The following GALNT17 variants were observed in gnomAD, a reference collection of about 807,000 sequenced individuals.
GALNT17 encodes UDP-GalNAc:polypeptide N-acetylgalactosaminyltransferase-like 3.
Under a neutral mutation model 63.7 loss-of-function variants are expected in GALNT17, and 29 were observed. The observed-to-expected ratio is 0.46, with a 90% CI of 0.34 to 0.62. The LOEUF is 0.62. Ranked by LOEUF, GALNT17 falls within the 20% of genes least tolerant of loss-of-function variation. The probability of loss-of-function intolerance (pLI) is 0.01; values close to 1 mark genes in which losing one functional copy is unlikely to be tolerated. For synonymous variants in GALNT17, 305 were observed against 318.3 expected (o/e 0.96, Z 0.45); for missense variants, 603 against 799.6 (o/e 0.75, Z 2.97).
intron 1 of GALNT17, among the ~76,000 whole-genome samples, chr7:71,134,466 G>A (rs1225733970): frequency 6.6e-6 from 1 of 152,122 alleles, no homozygotes; most frequent in Non-Finnish European, 1.5e-5. Context: ...ACTGGGGGAG[G>A]GATGGGATGG....
intron 1 of GALNT17, among the ~76,000 whole-genome samples, chr7:71,137,139 C>CT (rs398005145): frequency 0.18 from 20,722 of 117,266 alleles, 2,726 homozygotes; most frequent in African/African-American, 0.32. Flanking sequence ...ATATTTTTGA[C>CT]TTTTTTTTTT....
At chr7:71,418,177 A>G (rs1371926472) in intron 4 of GALNT17, among the ~76,000 whole-genome samples, 1 of 152,154 alleles carries the variant, frequency 6.6e-6, no homozygotes, top group East Asian at 1.9e-4. Context: ...ATCTGCCCTC[A>G]AGTCTACAGT....
intron 1 of GALNT17, among the ~76,000 whole-genome samples, chr7:71,301,959 G>A (rs1034514805): frequency 2.0e-5 from 3 of 152,138 alleles, no homozygotes; most frequent in African/African-American, 4.8e-5. Flanking sequence ...GGTACAAAAT[G>A]TCATCACAAA....
chr7:71,540,093 C>CTTTTTTTTTTTTTTTTTT (rs71089954), intron 5 of GALNT17, among the ~76,000 whole-genome samples: 1 of 33,548 alleles, frequency 3.0e-5, no homozygotes, highest in Non-Finnish European at 5.5e-5. Context: ...TGTGCCTGGC[C>CTTTTTTTTTTTTTTTTTT]TTTTTTTTTT....
intron 9 of GALNT17, among the ~76,000 whole-genome samples, chr7:71,683,256 G>A (rs1280013701): frequency 6.6e-6 from 1 of 152,088 alleles, no homozygotes; most frequent in Admixed American, 6.6e-5. Flanking sequence ...ATTAGAGAAC[G>A]CTTGGTGTGG....
chr7:71,220,220 A>G (rs1278731907), intron 1 of GALNT17, among the ~76,000 whole-genome samples: 3 of 152,174 alleles, frequency 2.0e-5, no homozygotes, highest in Non-Finnish European at 4.4e-5. Flanking sequence ...TGACTGGTTG[A>G]TGTGGTTGAA....
intron 5 of GALNT17, among the ~76,000 whole-genome samples, chr7:71,496,748 T>C (rs1210978987): frequency 6.8e-6 from 1 of 147,522 alleles, no homozygotes; most frequent in Non-Finnish European, 1.5e-5. Flanking sequence ...GGCCTAAATA[T>C]CAATCACTGA....
rs189972042 is a variant in GALNT17, at chr7:71,680,790, T to G, written c.1500+3484T>G. On this transcript the variant is annotated intron_variant, in intron 9 of 10. Transcript: ENST00000333538. ...TTTCCCTTCCTTTCTTTCTTTTCCC[T>G]TCCTTCCTTCCTTCCTTTCTTCCTT... Among the ~76,000 whole-genome samples the G allele has an allele frequency of 2.4e-3, 351 of 144,276 alleles. 2 individuals carry two copies. The highest frequency in any genetic ancestry group is 9.1e-3 in the African/African-American group (340 of 37,384). 94.7% of individuals were successfully genotyped at this position (144,276 alleles called of 152,430 possible).
Position 71,199,829 on chromosome 7 carries a change from A to T in GALNT17, c.238+66789A>T, listed in dbSNP as rs374184565. On this transcript the variant is annotated intron_variant, in intron 1 of 10. Transcript: ENST00000333538. ...ATCATCCATCCATCCATCCAACATA[A>T]CACACTTGTAGACTATAGAGATATA... Among the ~76,000 whole-genome samples the T allele has an allele frequency of 4.9e-4, 74 of 152,220 alleles. 1 individual carries two copies. In the East Asian group the frequency reaches 0.014, roughly 29 times the overall value.
At chr7:71,541,027 C>G (rs999930805) in intron 5 of GALNT17, among the ~76,000 whole-genome samples, 3 of 151,844 alleles carry the variant, frequency 2.0e-5, no homozygotes, top group African/African-American at 7.3e-5. Flanking sequence ...TCACTTGAGG[C>G]CAGGAGTTTG....
At chr7:71,494,125 T>C (rs1788055503) in intron 5 of GALNT17, among the ~76,000 whole-genome samples, 2 of 151,458 alleles carry the variant, frequency 1.3e-5, no homozygotes, top group Admixed American at 6.7e-5. Context: ...TGGCAGAAGG[T>C]GAAGGGGAAG....
chr7:71,290,576 A>G (rs568323383), intron 1 of GALNT17, among the ~76,000 whole-genome samples: 1 of 152,240 alleles, frequency 6.6e-6, no homozygotes, highest in Admixed American at 6.5e-5. Context: ...GGGCTGCAGA[A>G]AGAGGCTGTC....
At chr7:71,669,911 T>G in intron 7 of GALNT17, 61 bp from the exon 8 acceptor site, 3 of 1,594,904 alleles carry the variant, frequency 1.9e-6, no homozygotes, top group Non-Finnish European at 2.6e-6. Flanking sequence ...ACTCCACCTG[T>G]GCCCCACTCT....
intron 5 of GALNT17, among the ~76,000 whole-genome samples, chr7:71,473,018 A>G (rs1207843805): frequency 6.6e-6 from 1 of 152,210 alleles, no homozygotes; most frequent in Non-Finnish European, 1.5e-5. Context: ...AAAATCATGA[A>G]TCAGTACATG....
In GALNT17 at chr7:71,132,781, C is replaced by A. The variant is rs201407911; in HGVS notation, c.-22C>A. 3 of 1,569,868 alleles carry A rather than the reference C, an allele frequency of 1.9e-6. No homozygotes were observed. In the African/African-American group the frequency reaches 4.1e-5, roughly 21 times the overall value. ...AGCCCGAGGGGGCGCAGGTCCGGGG[C>A]GAGGGCCGGCCGGGCTGTTTGATGG... is the stretch of plus-strand genomic sequence containing the variant. On this transcript the variant is annotated 5_prime_UTR_variant, in exon 1 of 11. Coordinates refer to ENST00000333538, the MANE Select transcript of GALNT17 (RefSeq NM_022479.3).
intron 1 of GALNT17, among the ~76,000 whole-genome samples, chr7:71,166,210 A>C (rs192483878): frequency 2.5e-3 from 381 of 152,346 alleles, no homozygotes; most frequent in Non-Finnish European, 4.3e-3. Flanking sequence ...GTTCAGCTAA[A>C]TACTGCGTGT....
intron 2 of GALNT17, among the ~76,000 whole-genome samples, chr7:71,377,210 C>A (rs958410360): frequency 1.4e-5 from 2 of 146,046 alleles, no homozygotes; most frequent in Admixed American, 1.4e-4. Context: ...TACCTTGAAA[C>A]TGGCATATCA....
At chr7:71,655,048 C>T (rs771296534) in intron 6 of GALNT17, among the ~76,000 whole-genome samples, 6 of 152,042 alleles carry the variant, frequency 3.9e-5, no homozygotes, top group East Asian at 3.9e-4. Flanking sequence ...CCTCAGCCCC[C>T]GAAAGTGCTG....
intron 5 of GALNT17, among the ~76,000 whole-genome samples, chr7:71,506,358 CT>C (rs1388727781): frequency 6.6e-6 from 1 of 152,110 alleles, no homozygotes; most frequent in East Asian, 1.9e-4. Context: ...CCTCCGCCTT[CT>C]GGGTTCAAGA....
Sources: allele counts gnomAD v4.1 joint callset (sites outside exome capture counted in the v4.1 genomes callset), GRCh38; gene constraint gnomAD v4.1.1; transcripts MANE v1.5; gene names NCBI Gene and HGNC (gene_info 2026-07-23, HGNC 2026-07-21).